AKAP13: variants seen among roughly 807,000 people sequenced by gnomAD.
The protein encoded by AKAP13 is A-kinase anchor protein 13.
Under a neutral mutation model 264.5 loss-of-function variants are expected in AKAP13, and 80 were observed. The ratio of observed to expected loss-of-function variants is 0.30; its 90% CI spans 0.25 to 0.36. AKAP13 has a LOEUF of 0.36. Ranked by LOEUF, AKAP13 falls within the 10% of genes least tolerant of loss-of-function variation. The probability of loss-of-function intolerance (pLI) is 1.00; values close to 1 mark genes in which losing one functional copy is unlikely to be tolerated. For synonymous variants in AKAP13, 1,380 were observed against 1,250.2 expected, an observed-to-expected ratio of 1.10 and a Z score of -2.19; for missense variants, 3,712 against 3,435.2, an observed-to-expected ratio of 1.08 and a Z score of -2.01.
intron 1 of AKAP13, among the ~76,000 whole-genome samples, chr15:85,390,817 G>T (rs76110684): frequency 6.6e-6 from 1 of 152,330 alleles, no homozygotes; most frequent in African/African-American, 2.4e-5. Context: ...GGATTCCTAG[G>T]TGTTTTACCT....
chr15:85,573,546 AAAATAAATAAAT>A (rs141173816), intron 5 of AKAP13, among the ~76,000 whole-genome samples: 3 of 145,790 alleles, frequency 2.1e-5, no homozygotes, highest in Non-Finnish European at 4.5e-5. Flanking sequence ...CTCTGTCTCA[AAAATAAATAAAT>A]AAATAAATAA....
chr15:85,482,281 T>C (rs2086758), intron 1 of AKAP13, among the ~76,000 whole-genome samples: 1 of 152,332 alleles, frequency 6.6e-6, no homozygotes, highest in East Asian at 1.9e-4. Flanking sequence ...CACCATGTTT[T>C]AAAGGGCATC....
rs190493898 is a variant in AKAP13 at position 85,637,232 on chromosome 15, C to G, written c.4162-2142C>G. On this transcript the variant is annotated intron_variant, in intron 8 of 36. Transcript: ENST00000394518. ...GCTTGTGTAGAGTTGACATTTCTTT[C>G]TTAAATGTTTGGTAGCATTCACCAC... 1.4e-3 allele frequency among the ~76,000 whole-genome samples: 211 copies of G among 152,228 alleles called. 2 individuals carry two copies. The highest frequency in any genetic ancestry group is 0.014 in the Middle Eastern group (4 of 292).
intron 14 of AKAP13, among the ~76,000 whole-genome samples, chr15:85,672,287 A>G (rs1156967037): frequency 6.6e-6 from 1 of 152,234 alleles, no homozygotes; most frequent in African/African-American, 2.4e-5. Flanking sequence ...CAACAGAAGG[A>G]CCCATCAACC....
At position 85,580,222 on chromosome 15, in the gene AKAP13, C is replaced by T. The variant is rs778672606; in HGVS notation, c.2154C>T (p.Thr718=). ...AAGACCCACAGGCTCATACAGTCACCTCTGACCCTGTAAGGGATACCCAGG... is the reference window on the plus strand; with the variant it reads ...AAGACCCACAGGCTCATACAGTCACTTCTGACCCTGTAAGGGATACCCAGG... The part of the protein sequence containing the change: ...HCEDPQAHTV[T]SDPVRDTQER... The change falls in exon 7 of 37, where the codon ACC becomes ACT. Residue 718 remains threonine, a synonymous_variant. Coordinates refer to ENST00000394518, the MANE Select transcript of AKAP13 (RefSeq NM_007200.5). 22 of 1,614,120 alleles carry T rather than the reference C, an allele frequency of 1.4e-5. No homozygotes were observed. The highest frequency in any genetic ancestry group is 1.9e-5 in the Non-Finnish European group (22 of 1,180,044).
At chr15:85,565,465 C>A in intron 5 of AKAP13, among the ~76,000 whole-genome samples, 1 of 152,172 alleles carries the variant, frequency 6.6e-6, no homozygotes, top group East Asian at 1.9e-4. Flanking sequence ...ACAATATAAT[C>A]TTTGTTCACA....
intron 7 of AKAP13, 68 bp from the exon 8 acceptor site, chr15:85,585,634 T>G (rs1481476207): frequency 1.9e-6 from 3 of 1,594,954 alleles, no homozygotes; most frequent in Non-Finnish European, 2.6e-6. Flanking sequence ...CTGGAGCATG[T>G]TGTATGAATA....
In AKAP13 at chr15:85,581,126, C is replaced by T. The variant is rs556813247; in HGVS notation, c.3058C>T (p.Pro1020Ser). Residue 1020 changes from proline to serine, a missense_variant, in exon 7 of 37, where the codon CCA (proline) becomes TCA (serine). Pro to Ser is a moderately conservative substitution (Grantham distance 74). Transcript: ENST00000394518. ...QGGAAQSLVP[P>S]GASLATESRQ... ...TGGGGCTGCCCAGAGCCTGGTGCCACCAGGAGCAAGTCTGGCCACAGAGTC... is the reference window on the plus strand; with the variant it reads ...TGGGGCTGCCCAGAGCCTGGTGCCATCAGGAGCAAGTCTGGCCACAGAGTC... The T allele has an allele frequency of 5.0e-6, 8 of 1,613,908 alleles. No homozygotes were observed. The East Asian group carries it at 1.6e-4, about 31-fold the overall frequency.
At chr15:85,550,203 C>T (rs987535778) in intron 5 of AKAP13, among the ~76,000 whole-genome samples, 1 of 152,206 alleles carries the variant, frequency 6.6e-6, no homozygotes, top group African/African-American at 2.4e-5. Flanking sequence ...ACGTGAGCCA[C>T]TGCACCTGGC....
At chr15:85,434,264 G>T (rs1321116611) in intron 1 of AKAP13, among the ~76,000 whole-genome samples, 2 of 151,990 alleles carry the variant, frequency 1.3e-5, no homozygotes, top group Non-Finnish European at 2.9e-5. Flanking sequence ...TTTTCAGACC[G>T]GCTTAAAAAA....
At chr15:85,720,130 A>C (rs1032425935) in intron 23 of AKAP13, among the ~76,000 whole-genome samples, 3 of 151,924 alleles carry the variant, frequency 2.0e-5, no homozygotes, top group Admixed American at 6.6e-5. Context: ...ACCACTCAGG[A>C]GCCCGAGGTG....
intron 8 of AKAP13, among the ~76,000 whole-genome samples, chr15:85,623,830 C>T (rs949659818): frequency 1.3e-5 from 2 of 152,218 alleles, no homozygotes; most frequent in Non-Finnish European, 2.9e-5. Flanking sequence ...CTGACTCTTA[C>T]AGTATGTGGT....
At chr15:85,597,605 A>T (rs1218775736) in intron 8 of AKAP13, among the ~76,000 whole-genome samples, 1 of 152,136 alleles carries the variant, frequency 6.6e-6, no homozygotes, top group Non-Finnish European at 1.5e-5. Flanking sequence ...CATCTGCTGC[A>T]CTGGTGACTC....
intron 2 of AKAP13, among the ~76,000 whole-genome samples, chr15:85,509,995 G>A (rs2076366293): frequency 6.6e-6 from 1 of 152,234 alleles, no homozygotes; most frequent in African/African-American, 2.4e-5. Flanking sequence ...CCTTCCAGGT[G>A]ACCTGTGTTT....
Position 85,708,094 on chromosome 15 carries a change from T to C in AKAP13, c.5532+8T>C. On this transcript the variant is annotated splice_region_variant and intron_variant, in intron 18 of 36. Transcript: ENST00000394518. This position sits in a 1 kb window ranked among gnomAD's most constrained non-coding sequence, Gnocchi z 4.3. ...GCAAAGGTCAAAATGAAGGTAAGAC[T>C]TTCTGGCTAAAACAAGGCTTAAAAT... 1 of 1,613,266 alleles carries C rather than the reference T, an allele frequency of 6.2e-7. No individual in the cohort carries two copies. The highest frequency in any genetic ancestry group is 8.5e-7 in the Non-Finnish European group (1 of 1,179,480).
intron 1 of AKAP13, among the ~76,000 whole-genome samples, chr15:85,469,402 G>A (rs191989099): frequency 6.6e-6 from 1 of 152,090 alleles, no homozygotes; most frequent in Non-Finnish European, 1.5e-5. Flanking sequence ...CCTGTCAGCA[G>A]GATTACCTCT....
intron 3 of AKAP13, among the ~76,000 whole-genome samples, chr15:85,531,967 A>G (rs908064701): frequency 1.3e-5 from 2 of 152,240 alleles, no homozygotes; most frequent in Non-Finnish European, 2.9e-5. Context: ...GCATCCTGAT[A>G]TAATAGACCA....
chr15:85,612,914 A>G (rs1297061300), intron 8 of AKAP13, among the ~76,000 whole-genome samples: 1 of 152,134 alleles, frequency 6.6e-6, no homozygotes, highest in African/African-American at 2.4e-5. Flanking sequence ...GCTATTATTT[A>G]TAGTAATTTT....
At chr15:85,720,912 A>G (rs555713958) in intron 23 of AKAP13, among the ~76,000 whole-genome samples, 1 of 152,350 alleles carries the variant, frequency 6.6e-6, no homozygotes, top group Admixed American at 6.5e-5. Context: ...GCATGTTATG[A>G]AATAAATGCA....
Sources: allele counts gnomAD v4.1 joint callset (sites outside exome capture counted in the v4.1 genomes callset), GRCh38; gene constraint gnomAD v4.1.1; non-coding constraint Gnocchi (gnomAD v3.1); transcripts MANE v1.5; gene names NCBI Gene and HGNC (gene_info 2026-07-23, HGNC 2026-07-21).